Variants in FGGY observed in about 807,000 individuals in gnomAD.
The protein encoded by FGGY is FGGY carbohydrate kinase domain-containing protein.
Under a neutral mutation model 71.3 loss-of-function variants are expected in FGGY, and 72 were observed. That is an observed-to-expected ratio of 1.01 (90% CI 0.84 to 1.23). FGGY has a LOEUF of 1.23. Ranked by LOEUF, FGGY falls within the 50% of genes most tolerant of loss-of-function variation. FGGY has a pLI of 0.00. For synonymous variants in FGGY, 251 were observed against 250.3 expected (o/e 1.00, Z -0.02); for missense variants, 668 against 682.3 (o/e 0.98, Z 0.23).
intron 5 of FGGY, among the ~76,000 whole-genome samples, chr1:59,397,100 A>C (rs1474056690): frequency 6.6e-6 from 1 of 151,796 alleles, no homozygotes; most frequent in Non-Finnish European, 1.5e-5. Flanking sequence ...ATTTAGACTT[A>C]AGTTTTTTTC....
At chr1:59,612,965 T>C (rs947503319) in intron 9 of FGGY, among the ~76,000 whole-genome samples, 10 of 152,234 alleles carry the variant, frequency 6.6e-5, no homozygotes, top group African/African-American at 2.2e-4. Flanking sequence ...AATATATATG[T>C]ACCCAATACA....
chr1:59,713,828 C>T (rs991716724), intron 14 of FGGY, among the ~76,000 whole-genome samples: 10 of 152,188 alleles, frequency 6.6e-5, no homozygotes, highest in East Asian at 1.9e-4. Context: ...GAAAGGCTTC[C>T]GCCCTGGATA....
intron 2 of FGGY, among the ~76,000 whole-genome samples, chr1:59,334,622 A>C (rs1411404966): frequency 6.6e-6 from 1 of 152,212 alleles, no homozygotes; most frequent in Non-Finnish European, 1.5e-5. Flanking sequence ...TCTCATAATT[A>C]TGTGAAGCTC....
chr1:59,309,684 A>G lies in FGGY; in HGVS notation c.-14-11852A>G, dbSNP rs542699904. On this transcript the variant is annotated intron_variant, in intron 1 of 15. Transcript: ENST00000303721. The stretch of plus-strand genomic sequence containing the variant: ...TCCTTTCACCTTCGGCCTTAAAGCT[A>G]CCAGACCAGGGCCAAGCGTGGTGGC... 1.4e-4 allele frequency among the ~76,000 whole-genome samples: 22 copies of G among 152,292 alleles called. No homozygotes were observed. In the South Asian group the frequency reaches 4.6e-3, roughly 32 times the overall value.
At chr1:59,664,299 TAC>T (rs1193304958) in intron 12 of FGGY, among the ~76,000 whole-genome samples, 1 of 152,202 alleles carries the variant, frequency 6.6e-6, no homozygotes, top group Non-Finnish European at 1.5e-5. Flanking sequence ...GGTGGAGTAT[TAC>T]ACAGATTGGA....
intron 1 of FGGY, among the ~76,000 whole-genome samples, chr1:59,302,430 T>C (rs537010685): frequency 9.1e-4 from 138 of 152,296 alleles, no homozygotes; most frequent in Non-Finnish European, 1.6e-3. Flanking sequence ...CAATGGTAGA[T>C]TGGATAAAGA....
chr1:59,662,439 C>T (rs2097285704), intron 12 of FGGY, among the ~76,000 whole-genome samples: 1 of 152,024 alleles, frequency 6.6e-6, no homozygotes, highest in East Asian at 1.9e-4. Flanking sequence ...AAACTAGAAA[C>T]CTAAGGCTCT....
rs116763434 is a variant in FGGY at position 59,574,540 on chromosome 1, A to G, written c.903+20313A>G. On this transcript the variant is annotated intron_variant, in intron 8 of 15. Transcript: ENST00000303721. ...CTTTTCAGGAGCCATTATTCAGCCT[A>G]CCATACCCTTTATGGAAAGAAGTGA... 1.0e-3 allele frequency among the ~76,000 whole-genome samples: 159 copies of G among 152,216 alleles called. 2 individuals are homozygous for G. The highest frequency in any genetic ancestry group is 3.7e-3 in the African/African-American group (152 of 41,538).
chr1:59,499,176 T>C (rs1395176835), intron 6 of FGGY, among the ~76,000 whole-genome samples: 1 of 152,144 alleles, frequency 6.6e-6, no homozygotes, highest in Non-Finnish European at 1.5e-5. Flanking sequence ...CACTTTCTTC[T>C]CTGCTTGAAC....
At chr1:59,694,328 T>TA (rs2097633913) in intron 14 of FGGY, among the ~76,000 whole-genome samples, 1 of 148,552 alleles carries the variant, frequency 6.7e-6, no homozygotes, top group Non-Finnish European at 1.5e-5. Context: ...AATAAATAAA[T>TA]AAATAAAATA....
intron 5 of FGGY, among the ~76,000 whole-genome samples, chr1:59,381,153 C>A (rs373975531): frequency 2.6e-5 from 4 of 152,044 alleles, no homozygotes; most frequent in African/African-American, 4.8e-5. Context: ...TGGTCTATAT[C>A]TCTGTTTTGG....
chr1:59,361,223 G>A (rs1424111455), intron 4 of FGGY, among the ~76,000 whole-genome samples: 1 of 152,180 alleles, frequency 6.6e-6, no homozygotes, highest in African/African-American at 2.4e-5. Context: ...TTGAAAATTT[G>A]TTTTGTTCCA....
At chr1:59,448,426 T>C (rs2071827914) in intron 5 of FGGY, among the ~76,000 whole-genome samples, 1 of 152,118 alleles carries the variant, frequency 6.6e-6, no homozygotes. Flanking sequence ...AGGAGAGCAT[T>C]GTTGGAAGGC....
chr1:59,753,355 G>C (rs2098261835), intron 14 of FGGY, among the ~76,000 whole-genome samples: 1 of 151,184 alleles, frequency 6.6e-6, no homozygotes, highest in Non-Finnish European at 1.5e-5. Context: ...TGACAGCACT[G>C]ATTCTCAGGG....
intron 11 of FGGY, among the ~76,000 whole-genome samples, chr1:59,643,065 A>G (rs2097054511): frequency 6.6e-6 from 1 of 151,896 alleles, no homozygotes; most frequent in Non-Finnish European, 1.5e-5. Context: ...AAACCATTAC[A>G]TACAAAGAAA....
intron 14 of FGGY, 73 bp downstream of exon 14, chr1:59,674,206 G>A (rs898930950): frequency 6.7e-5 from 76 of 1,131,538 alleles, no homozygotes; most frequent in Non-Finnish European, 3.3e-5. Flanking sequence ...ACAGCAGCTC[G>A]CATTTTACAA....
intron 8 of FGGY, among the ~76,000 whole-genome samples, chr1:59,585,992 A>G (rs1410027930): frequency 5.3e-5 from 8 of 152,206 alleles, no homozygotes; most frequent in Admixed American, 1.3e-4. Context: ...TAGAATGCCA[A>G]TCATTAAACA....
intron 2 of FGGY, among the ~76,000 whole-genome samples, chr1:59,321,964 C>G (rs148995992): frequency 5.9e-5 from 9 of 152,212 alleles, no homozygotes; most frequent in African/African-American, 2.2e-4. Flanking sequence ...ATAGCTGGAG[C>G]TGGGGAAAGA....
intron 9 of FGGY, among the ~76,000 whole-genome samples, chr1:59,623,906 T>C (rs529022165): frequency 7.2e-5 from 11 of 152,214 alleles, no homozygotes; most frequent in South Asian, 2.1e-4. Context: ...TCCTGGAAGC[T>C]CATTTAAATC....
Sources: allele counts gnomAD v4.1 joint callset (sites outside exome capture counted in the v4.1 genomes callset), GRCh38; gene constraint gnomAD v4.1.1; transcripts MANE v1.5; gene names NCBI Gene and HGNC (gene_info 2026-07-23, HGNC 2026-07-21).